Variants in C4orf36 observed in about 807,000 individuals in gnomAD.
C4orf36 encodes the protein uncharacterized protein C4orf36.
In C4orf36, 11 loss-of-function variants were observed where a neutral mutation model predicts 12.2. That is an observed-to-expected ratio of 0.90 (90% confidence interval 0.57 to 1.49). The LOEUF (loss-of-function observed/expected upper bound fraction) is 1.49, where lower values mean the gene tolerates loss of function less well. Among genes scored for constraint, C4orf36 ranks in the 40% most tolerant of loss-of-function variants. The pLI is 0.00. For synonymous variants in C4orf36, 54 were observed against 51.3 expected (o/e 1.05, Z -0.22); for missense variants, 137 against 133.9 (o/e 1.02, Z -0.11).
Position 86,887,856 on chromosome 4 carries a change from A to C in C4orf36, c.258T>G (p.Leu86=), listed in dbSNP as rs2149421799. 4 of 1,614,194 alleles carry C rather than the reference A, an allele frequency of 2.5e-6. No homozygotes were observed. The African/African-American group carries it at 4.0e-5, about 16-fold the overall frequency. Residue 86 remains leucine (L), a synonymous_variant, in exon 4 of 5, where the codon CTT becomes CTG. Coordinates refer to ENST00000295898, the MANE Select transcript of C4orf36 (RefSeq NM_144645.4). ...KLEREYEVKR[L]CKLKCQENTS... The stretch of plus-strand genomic sequence containing the variant: ...TATTTTCTTGACACTTCAGTTTACA[A>C]AGACGCTTCACTTCATACTCCCTTT...
the C4orf36 span, among the ~76,000 whole-genome samples, chr4:86,901,979 A>C: frequency 1.5e-4 from 23 of 152,296 alleles, no homozygotes; most frequent in African/African-American, 5.3e-4. Flanking sequence ...CAGGTTTAGA[A>C]TAGGCCCTAA....
Position 86,876,335 on chromosome 4 carries a change from TG to T in C4orf36, c.*110del. On this transcript the variant is annotated 3_prime_UTR_variant, in exon 5 of 5. Coordinates refer to ENST00000295898, the MANE Select transcript of C4orf36 (RefSeq NM_144645.4). ...TCCTGAGGTGGGGGCCGGGCCAGGA[TG>T]GCTGCAGCGCAGCGACGGCCGGGGC... is the stretch of plus-strand genomic sequence containing the variant. The T allele has an allele frequency of 6.6e-7, 1 of 1,526,046 alleles. No individual in the cohort carries two copies. Among genetic ancestry groups the T allele is most frequent in the Non-Finnish European group, 8.8e-7 (1 of 1,137,780 alleles). The allele number at this position is 1,526,046 out of a possible 1,614,324, so 94.5% of individuals were successfully genotyped here. A position where few individuals can be genotyped will look rare whatever the true frequency, so the allele number is the denominator to read the frequency against.
upstream of C4orf36, among the ~76,000 whole-genome samples, chr4:86,893,340 T>C (rs1225924837): frequency 6.6e-6 from 1 of 152,100 alleles, no homozygotes; most frequent in Non-Finnish European, 1.5e-5. Context: ...TCCCAGCAAT[T>C]TGGGAGGCCG....
intron 4 of C4orf36, among the ~76,000 whole-genome samples, chr4:86,879,221 G>A (rs145680209): frequency 2.6e-5 from 4 of 152,218 alleles, no homozygotes; most frequent in African/African-American, 9.6e-5. Context: ...AAGAAACGCA[G>A]GCCTATGATT....
chr4:86,914,371 G>A, the C4orf36 span: 196 of 1,070,696 alleles, frequency 1.8e-4, no homozygotes, highest in Middle Eastern at 7.7e-4. Flanking sequence ...TTCACCCCCC[G>A]GCTCCCGTTC....
chr4:86,924,079 T>C, the C4orf36 span, among the ~76,000 whole-genome samples: 1 of 152,206 alleles, frequency 6.6e-6, no homozygotes, highest in Non-Finnish European at 1.5e-5. Flanking sequence ...CTCACTCTGT[T>C]GCCTAGGTTG....
the C4orf36 span, among the ~76,000 whole-genome samples, chr4:86,919,315 C>CCCT: frequency 2.5e-5 from 2 of 81,384 alleles, no homozygotes; most frequent in Non-Finnish European, 4.2e-5. Flanking sequence ...TTTTTTCCCC[C>CCCT]TTTTTTTTTT....
chr4:86,878,668 G>A (rs1304017609), intron 4 of C4orf36, among the ~76,000 whole-genome samples: 1 of 152,180 alleles, frequency 6.6e-6, no homozygotes, highest in Non-Finnish European at 1.5e-5. Context: ...GAGTGAAAGA[G>A]ATGAATGCAC....
chr4:86,930,002 T>C, the C4orf36 span, among the ~76,000 whole-genome samples: 5 of 152,210 alleles, frequency 3.3e-5, no homozygotes, highest in South Asian at 2.1e-4. Flanking sequence ...ATGAGGGTGA[T>C]AGTCTGGAAC....
At chr4:86,905,755 T>C in the C4orf36 span, among the ~76,000 whole-genome samples, 1 of 151,508 alleles carries the variant, frequency 6.6e-6, no homozygotes, top group Non-Finnish European at 1.5e-5. Flanking sequence ...TCTCGCTCTG[T>C]TGCCCAGGCT....
chr4:86,902,439 AAAAG>A, the C4orf36 span, among the ~76,000 whole-genome samples: 106 of 141,046 alleles, frequency 7.5e-4, 1 homozygote, highest in Middle Eastern at 3.6e-3. Context: ...AAAAAAAAAA[AAAAG>A]AAAGAAAGAA....
the C4orf36 span, among the ~76,000 whole-genome samples, chr4:86,931,249 GTTC>G: frequency 6.6e-6 from 1 of 152,044 alleles, no homozygotes; most frequent in Non-Finnish European, 1.5e-5. Context: ...CTTGATTTCT[GTTC>G]TTTTTTGGGA....
intron 2 of C4orf36, 55 bp downstream of exon 2, chr4:86,891,401 A>T: frequency 6.5e-7 from 1 of 1,540,388 alleles, no homozygotes; most frequent in Non-Finnish European, 8.9e-7. Context: ...TAACAAAGAC[A>T]CTCCCCACCG....
chr4:86,914,721 C>T, the C4orf36 span: 54 of 415,494 alleles, frequency 1.3e-4, 1 homozygote, highest in South Asian at 8.9e-4. Flanking sequence ...TATAGATGTG[C>T]ACTTGGTGAT....
the C4orf36 span, chr4:86,933,507 A>T: frequency 1.2e-4 from 19 of 152,224 alleles, no homozygotes; most frequent in Middle Eastern, 3.2e-3. Context: ...ATCATTTACT[A>T]AGTTGACCAC....
the C4orf36 span, among the ~76,000 whole-genome samples, chr4:86,907,775 G>C: frequency 6.6e-6 from 1 of 151,796 alleles, no homozygotes; most frequent in Non-Finnish European, 1.5e-5. Context: ...CCAGGAGTTC[G>C]AGACCAACAT....
chr4:86,913,982 A>G, the C4orf36 span: 1 of 1,573,056 alleles, frequency 6.4e-7, no homozygotes, highest in Non-Finnish European at 8.7e-7. Context: ...TAATGTAGGC[A>G]GAAAACAGTC....
chr4:86,898,019 C>A, the C4orf36 span, among the ~76,000 whole-genome samples: 1 of 152,316 alleles, frequency 6.6e-6, no homozygotes, highest in East Asian at 1.9e-4. Flanking sequence ...CTATAAAGTA[C>A]TAATTAAAGC....
chr4:86,905,979 C>A, the C4orf36 span, among the ~76,000 whole-genome samples: 1 of 152,246 alleles, frequency 6.6e-6, no homozygotes, highest in African/African-American at 2.4e-5. Flanking sequence ...CCTTGGCTTC[C>A]CAAAGTGCTG....
Sources: allele counts gnomAD v4.1 joint callset (sites outside exome capture counted in the v4.1 genomes callset), GRCh38; gene constraint gnomAD v4.1.1; transcripts MANE v1.5; gene names NCBI Gene and HGNC (gene_info 2026-07-23, HGNC 2026-07-21).